The following LYST variants were observed in gnomAD, a reference collection of about 807,000 sequenced individuals.
LYST encodes the protein lysosomal trafficking regulator.
In LYST, 192 loss-of-function variants were observed where a neutral mutation model predicts 413.6. The observed-to-expected ratio is 0.46, with a 90% CI of 0.41 to 0.52. LYST has a LOEUF of 0.52. LYST is among the 20% of genes least tolerant of loss of function. The pLI, the probability that LYST is intolerant of heterozygous loss-of-function variation, is 0.00. For missense variants in LYST, 3,815 were observed against 4,499.9 expected (o/e 0.85, Z 4.35); for synonymous variants, 1,525 against 1,567.3 (o/e 0.97, Z 0.64).
intron 21 of LYST, among the ~76,000 whole-genome samples, chr1:235,765,841 A>ATT (rs113006318): frequency 2.1e-5 from 3 of 146,250 alleles, no homozygotes; most frequent in East Asian, 2.0e-4. Context: ...CCAAATACAC[A>ATT]TTTTTTTTTT....
rs371971029 is a variant in LYST at position 235,852,967 on chromosome 1, A to C, written c.-98+13876T>G. On this transcript the variant is annotated intron_variant, in intron 1 of 52. Transcript: ENST00000389793. ...TATATCTTTCAGAATTCTACCTTTC[A>C]GAGCATTTTAGCGATTAGGTCTGGC... 2.9e-5 allele frequency: 5 copies of C among 170,506 alleles called. No individual in the cohort carries two copies. In the East Asian group the frequency reaches 7.7e-4, roughly 26 times the overall value. The allele number at this position is 170,506 out of a possible 1,614,324, so 10.6% of individuals were successfully genotyped here. A position where few individuals can be genotyped will look rare whatever the true frequency, so the allele number is the denominator to read the frequency against.
Position 235,806,278 on chromosome 1 carries a change from G to A in LYST, c.2858C>T (p.Ser953Phe). The change falls in exon 6 of 53, where the codon TCT (serine) becomes TTT (phenylalanine). Residue 953 changes from serine to phenylalanine, a missense_variant. Transcript: ENST00000389793. ...TGCTGCTTGGTGCATATGTTCAGGA[G>A]AAGGCAAGACAAGGCTCTCGAGAGA... ...CISLESLVLP[S>F]PEHMHQAADI... 1.2e-6 allele frequency: 2 copies of A among 1,614,022 alleles called. No homozygotes were observed. The highest frequency in any genetic ancestry group is 1.1e-5 in the South Asian group (1 of 91,086).
chr1:235,843,970 A>G lies in LYST; in HGVS notation c.-97-10303T>C, dbSNP rs576104852. ...AGTATTAGAGAAGTTGCCATTGGAA[A>G]GACTTTTTTTCAAAAATGTTATGTG... On this transcript the variant is annotated intron_variant, in intron 1 of 52. Transcript: ENST00000389793. 2.0e-5 allele frequency among the ~76,000 whole-genome samples: 3 copies of G among 152,322 alleles called. No individual in the cohort carries two copies. The East Asian group carries it at 5.8e-4, about 29-fold the overall frequency.
upstream of LYST, among the ~76,000 whole-genome samples, chr1:235,871,752 C>T (rs1416772859): frequency 6.6e-6 from 1 of 152,234 alleles, no homozygotes; most frequent in African/African-American, 2.4e-5. Context: ...CTTCACTATA[C>T]TCTGCAGCTC....
At chr1:235,700,572 T>C (rs961599409) in intron 45 of LYST, among the ~76,000 whole-genome samples, 3 of 152,160 alleles carry the variant, frequency 2.0e-5, no homozygotes, top group Non-Finnish European at 2.9e-5. Flanking sequence ...TATAAATGAG[T>C]ACTGTTGCTT....
chr1:235,828,205 T>C, intron 3 of LYST: 3 of 934,454 alleles, frequency 3.2e-6, no homozygotes, highest in Non-Finnish European at 3.8e-6. Flanking sequence ...TTTCATGACA[T>C]AAAAGAGAAA....
chr1:235,691,697 C>CTTTTTTTTTT lies in LYST; in HGVS notation c.10701+1652_10701+1653insAAAAAAAAAA, dbSNP rs774558822. The stretch of plus-strand genomic sequence containing the variant: ...GTAAGTACTATAAACATCAGATTCT[C>CTTTTTTTTTT]TCTTTTTTTTTTTTTTGAGATGGAG... On this transcript the variant is annotated intron_variant, in intron 47 of 52. Transcript: ENST00000389793. Among the ~76,000 whole-genome samples, 3 of 138,210 alleles carry CTTTTTTTTTT rather than the reference C, an allele frequency of 2.2e-5. 1 individual carries two copies. 90.7% of individuals were successfully genotyped at this position (138,210 alleles called of 152,430 possible). A position where few individuals can be genotyped will look rare whatever the true frequency, so the allele number is the denominator to read the frequency against.
chr1:235,852,908 C>CAT (rs1469940531), intron 1 of LYST: 1 of 169,602 alleles, frequency 5.9e-6, no homozygotes, highest in Admixed American at 6.5e-5. Flanking sequence ...CCTAATACTG[C>CAT]ATACAATTTT....
At position 235,727,742 on chromosome 1, in the gene LYST, G is replaced by C. The variant is rs538169333; in HGVS notation, c.9162+334C>G. ...TTTTTCCTTTCTTTCTGAAGGCAAA[G>C]GTACTTGATAGTGAACTGGGAGTGG... On this transcript the variant is annotated intron_variant, in intron 38 of 52. Transcript: ENST00000389793. Among the ~76,000 whole-genome samples, 12 of 152,116 alleles carry C rather than the reference G, an allele frequency of 7.9e-5. No homozygotes were observed. In the South Asian group the frequency reaches 2.1e-3, roughly 26 times the overall value.
rs746673638 is a variant in LYST, at chr1:235,759,391, G to A, written c.6462C>T (p.Asp2154=). 3.3e-5 allele frequency: 54 copies of A among 1,613,986 alleles called. No individual in the cohort carries two copies. The highest frequency in any genetic ancestry group is 4.1e-5 in the Non-Finnish European group (48 of 1,180,010). The change falls in exon 23 of 53, where the codon GAC becomes GAT. Residue 2154 remains aspartate, a synonymous_variant. Coordinates refer to ENST00000389793, the MANE Select transcript of LYST (RefSeq NM_000081.4). ...SKKQNSLGSS[D]TLKKGKEDAF... ...CGTCCTCTTTGCCTTTTTTCAGTGT[G>A]TCGGAACTCCCCAAAGAATTTTGTT...
At chr1:235,812,905 A>G in intron 4 of LYST, 66 bp downstream of exon 4, 1 of 902,346 alleles carries the variant, frequency 1.1e-6, no homozygotes, top group Non-Finnish European at 1.8e-6. Context: ...TCAAACATTC[A>G]GGCAGAAGTA....
At chr1:235,826,160 C>T (rs948064872) in intron 3 of LYST, among the ~76,000 whole-genome samples, 1 of 152,172 alleles carries the variant, frequency 6.6e-6, no homozygotes, top group South Asian at 2.1e-4. Flanking sequence ...GGATATAGAA[C>T]TGGAATTCTC....
At chr1:235,783,654 A>G (rs1363529368) in intron 14 of LYST, among the ~76,000 whole-genome samples, 1 of 152,226 alleles carries the variant, frequency 6.6e-6, no homozygotes, top group Non-Finnish European at 1.5e-5. Flanking sequence ...AAATAAAAAT[A>G]TAACAATGAA....
At chr1:235,773,279 C>G (rs1043716984) in intron 19 of LYST, among the ~76,000 whole-genome samples, 3 of 151,714 alleles carry the variant, frequency 2.0e-5, no homozygotes, top group Non-Finnish European at 4.4e-5. Context: ...GATCACGCCA[C>G]TGCACTCCAG....
At chr1:235,789,588 C>CT (rs1464878003) in intron 12 of LYST, among the ~76,000 whole-genome samples, 1 of 152,096 alleles carries the variant, frequency 6.6e-6, no homozygotes, top group Non-Finnish European at 1.5e-5. Flanking sequence ...AAGGCTCAGA[C>CT]TTTTAAAGAA....
intron 1 of LYST, among the ~76,000 whole-genome samples, chr1:235,859,683 T>C (rs950342795): frequency 6.6e-6 from 1 of 152,136 alleles, no homozygotes; most frequent in Non-Finnish European, 1.5e-5. Flanking sequence ...CAATCTAGAA[T>C]CCTTAAAGCC....
Position 235,834,387 on chromosome 1 carries a change from T to C in LYST, c.-97-720A>G, listed in dbSNP as rs778960739. ...TTGAATTATAAGTTTTAAAATCAGA[T>C]TGATTTTTAAAATTATTTTTATTTA... On this transcript the variant is annotated intron_variant, in intron 1 of 52. Coordinates refer to ENST00000389793, the MANE Select transcript of LYST (RefSeq NM_000081.4). Among the ~76,000 whole-genome samples the C allele has an allele frequency of 8.5e-5, 13 of 152,098 alleles. 1 individual carries two copies. The highest frequency in any genetic ancestry group is 2.4e-5 in the African/African-American group (1 of 41,418).
intron 1 of LYST, among the ~76,000 whole-genome samples, chr1:235,873,123 A>G (rs1487503207): frequency 6.6e-6 from 1 of 152,170 alleles, no homozygotes; most frequent in Non-Finnish European, 1.5e-5. Flanking sequence ...CAGTTTGTTC[A>G]AAGCACTCAG....
At chr1:235,751,737 C>T (rs1227558639) in intron 27 of LYST, among the ~76,000 whole-genome samples, 1 of 152,092 alleles carries the variant, frequency 6.6e-6, no homozygotes, top group Non-Finnish European at 1.5e-5. Context: ...ATGCAACATA[C>T]ACTTTTAAAT....
Sources: gnomAD v4.1 joint callset for allele counts (sites outside exome capture counted in the v4.1 genomes callset) on GRCh38, gnomAD v4.1.1 for gene constraint, MANE v1.5 for transcripts, NCBI Gene and HGNC (gene_info 2026-07-23, HGNC 2026-07-21) for gene names.